PAN3: variants seen among roughly 807,000 people sequenced by gnomAD.
PAN3 encodes the protein PAN2-PAN3 deadenylation complex subunit PAN3.
A neutral mutation model predicts 96.2 loss-of-function variants in PAN3; 19 were observed. The ratio of observed to expected loss-of-function variants is 0.20; its 90% CI spans 0.14 to 0.29. The LOEUF is 0.29. PAN3 is among the 10% of genes least tolerant of loss of function. The pLI, the probability that PAN3 is intolerant of heterozygous loss-of-function variation, is 1.00. For missense variants in PAN3, 882 were observed against 1,108.1 expected (o/e 0.80, Z 2.90); for synonymous variants, 433 against 406.6 (o/e 1.06, Z -0.78).
intron 6 of PAN3, among the ~76,000 whole-genome samples, chr13:28,252,188 CTTTTTTTTTTTTTT>C (rs10545190): frequency 8.9e-6 from 1 of 112,536 alleles, no homozygotes; most frequent in Non-Finnish European, 1.8e-5. Flanking sequence ...GCGACGGGCC[CTTTTTTTTTTTTTT>C]TTTTTTTTAA....
rs2138376577 is a variant in PAN3 at position 28,220,250 on chromosome 13, G to A, written c.872G>A (p.Ser291Asn). The A allele has an allele frequency of 6.2e-7, 1 of 1,612,670 alleles. No homozygotes were observed. Among genetic ancestry groups the A allele is most frequent in the Middle Eastern group, 1.7e-4 (1 of 6,060 alleles). ...NNLQTPNPTA[S>N]EFIPKGGSTS... ...AAATAGACACCAAATCCTACTGCAA[G>A]CGAGTTTATTCCTAAAGGAGGATCA... Residue 291 changes from serine (S) to asparagine (N), a missense_variant, in exon 6 of 19, where the codon AGC becomes AAC. Coordinates refer to ENST00000380958, the MANE Select transcript of PAN3 (RefSeq NM_175854.8).
chr13:28,191,600 C>T (rs1877265926), intron 4 of PAN3, among the ~76,000 whole-genome samples: 1 of 152,106 alleles, frequency 6.6e-6, no homozygotes, highest in East Asian at 1.9e-4. Flanking sequence ...TAGACTACTG[C>T]CAGAGTCCAC....
At chr13:28,139,845 G>A (rs115999587) in intron 1 of PAN3, among the ~76,000 whole-genome samples, 2,288 of 152,228 alleles carry the variant, frequency 0.015, 47 homozygotes, top group African/African-American at 0.052. Flanking sequence ...TCAGCATTGT[G>A]TCTTGAATGC....
intron 6 of PAN3, among the ~76,000 whole-genome samples, chr13:28,223,639 C>G (rs886878837): frequency 6.6e-6 from 1 of 151,818 alleles, no homozygotes; most frequent in Non-Finnish European, 1.5e-5. Flanking sequence ...TCTCTGCTCA[C>G]TGCAACCTCC....
chr13:28,139,647 A>T (rs1276623230), intron 1 of PAN3, among the ~76,000 whole-genome samples: 2 of 151,898 alleles, frequency 1.3e-5, no homozygotes, highest in African/African-American at 4.8e-5. Flanking sequence ...AAGGTTTTGC[A>T]GGCAGGAAAT....
At chr13:28,177,986 T>G (rs1197933212) in intron 4 of PAN3, 51 bp downstream of exon 4, 1 of 1,503,342 alleles carries the variant, frequency 6.7e-7, no homozygotes. Context: ...AGAAGTGATG[T>G]TGGCATTGTT....
At chr13:28,241,013 A>G (rs1883611672) in intron 6 of PAN3, among the ~76,000 whole-genome samples, 1 of 152,202 alleles carries the variant, frequency 6.6e-6, no homozygotes, top group Non-Finnish European at 1.5e-5. Context: ...TTATCCCAAC[A>G]CTTTGCTGGG....
At chr13:28,207,966 G>T (rs1355808500) in intron 5 of PAN3, among the ~76,000 whole-genome samples, 2 of 152,056 alleles carry the variant, frequency 1.3e-5, no homozygotes, top group African/African-American at 4.8e-5. Context: ...TTATATATTA[G>T]GTATTCAAAT....
chr13:28,220,686 G>A (rs1241172538), intron 6 of PAN3, among the ~76,000 whole-genome samples: 2 of 152,032 alleles, frequency 1.3e-5, no homozygotes, highest in African/African-American at 4.8e-5. Flanking sequence ...ACTTTGTGCT[G>A]TTTCACTCAA....
Position 28,197,201 on chromosome 13 carries a change from T to C in PAN3, c.707T>C (p.Leu236Pro), listed in dbSNP as rs774711821. ...TTTTCCTAGCCAAGGAAGTATCGCC[T>C]GGGGATGCTGGAGGAGAGGCTAGTT... ...SQRRKPRKYRLGMLEERLVPM... is the reference protein window; with the variant it reads ...SQRRKPRKYRPGMLEERLVPM... The change falls in exon 5 of 19, where the codon CTG (leucine) becomes CCG (proline). Residue 236 changes from leucine (L) to proline (P), a missense_variant. Around this residue, in one of 3 missense-constraint regions of PAN3, gnomAD observed 442 missense variants for 422.8 expected, o/e 1.05. Coordinates refer to ENST00000380958, the MANE Select transcript of PAN3 (RefSeq NM_175854.8). 6.2e-7 allele frequency: 1 copy of C among 1,612,996 alleles called. No homozygotes were observed. Among genetic ancestry groups the C allele is most frequent in the South Asian group, 1.1e-5 (1 of 90,834 alleles).
At chr13:28,145,757 ATTTT>A (rs895808998) in intron 1 of PAN3, among the ~76,000 whole-genome samples, 1 of 124,462 alleles carries the variant, frequency 8.0e-6, no homozygotes, top group African/African-American at 3.0e-5. Context: ...TGCCAAGCTA[ATTTT>A]TTTTTTTTTT....
intron 12 of PAN3, among the ~76,000 whole-genome samples, chr13:28,267,827 CTG>C (rs1478665361): frequency 6.6e-6 from 1 of 152,190 alleles, no homozygotes; most frequent in African/African-American, 2.4e-5. Context: ...TCCCACAACA[CTG>C]TGGGAATTAT....
intron 1 of PAN3, among the ~76,000 whole-genome samples, chr13:28,168,749 T>C (rs1281951001): frequency 1.3e-5 from 2 of 151,618 alleles, no homozygotes; most frequent in Non-Finnish European, 2.9e-5. Flanking sequence ...CTGGATGTGG[T>C]GGCTCACGCC....
chr13:28,189,280 G>A (rs952160079), intron 4 of PAN3, among the ~76,000 whole-genome samples: 1 of 152,184 alleles, frequency 6.6e-6, no homozygotes, highest in African/African-American at 2.4e-5. Context: ...CACTTTGGGA[G>A]GCCACGCCGG....
rs1285205345 is a variant in PAN3, at chr13:28,270,691, T to C, written c.1793-10T>C. The C allele has an allele frequency of 5.0e-6, 8 of 1,601,838 alleles. No homozygotes were observed. The highest frequency in any genetic ancestry group is 2.7e-5 in the African/African-American group (2 of 74,442). On this transcript the variant is annotated splice_polypyrimidine_tract_variant and intron_variant, in intron 12 of 18. Transcript: ENST00000380958. The stretch of plus-strand genomic sequence containing the variant: ...TAAGATGTCATTTTTTGGATTTCTT[T>C]GCTGTATAGGTCAGCACGAGGGACC...
chr13:28,269,857 A>T (rs1359050193), intron 12 of PAN3, among the ~76,000 whole-genome samples: 2 of 152,172 alleles, frequency 1.3e-5, no homozygotes, highest in Non-Finnish European at 2.9e-5. Context: ...TTTGCTATTT[A>T]TTATAAGTAC....
intron 1 of PAN3, among the ~76,000 whole-genome samples, chr13:28,152,758 C>G (rs1305050955): frequency 6.6e-6 from 1 of 152,156 alleles, no homozygotes; most frequent in Admixed American, 6.5e-5. Context: ...TCAGAAAACT[C>G]TGGCAGTTTA....
intron 15 of PAN3, among the ~76,000 whole-genome samples, chr13:28,279,937 C>G (rs1378291720): frequency 6.6e-6 from 1 of 151,254 alleles, no homozygotes; most frequent in Admixed American, 6.6e-5. Context: ...GTAGCTGGGA[C>G]TACAGGTGCC....
At chr13:28,265,494 A>G (rs1387257192) in intron 9 of PAN3, among the ~76,000 whole-genome samples, 3 of 152,166 alleles carry the variant, frequency 2.0e-5, no homozygotes, top group African/African-American at 7.2e-5. Context: ...TTTGCATCCT[A>G]CCTTTCTCTC....
Sources: allele counts gnomAD v4.1 joint callset (sites outside exome capture counted in the v4.1 genomes callset), GRCh38; gene constraint gnomAD v4.1.1; regional missense constraint gnomAD v4.1.1; transcripts MANE v1.5; gene names NCBI Gene and HGNC (gene_info 2026-07-23, HGNC 2026-07-21).